Variants in CCSER1 observed in about 807,000 individuals in gnomAD.
CCSER1 encodes serine-rich coiled-coil domain-containing protein 1.
In CCSER1, 41 loss-of-function variants were observed where a neutral mutation model predicts 82.0. The observed-to-expected ratio is 0.50, with a 90% CI of 0.39 to 0.65. The LOEUF is 0.65. CCSER1 is among the 30% of genes least tolerant of loss of function. The probability of loss-of-function intolerance (pLI) is 0.00; values close to 1 mark genes in which losing one functional copy is unlikely to be tolerated. For synonymous variants in CCSER1, 414 were observed against 383.9 expected (o/e 1.08, Z -0.92); for missense variants, 1,119 against 1,064.2 (o/e 1.05, Z -0.72).
chr4:90,497,374 T>C (rs1560614368), intron 5 of CCSER1, among the ~76,000 whole-genome samples: 1 of 152,206 alleles, frequency 6.6e-6, no homozygotes, highest in Non-Finnish European at 1.5e-5. Flanking sequence ...TATTATGCTA[T>C]GAAGACAAAG....
chr4:90,381,864 A>G (rs577085231), intron 3 of CCSER1, among the ~76,000 whole-genome samples: 14 of 152,220 alleles, frequency 9.2e-5, no homozygotes, highest in African/African-American at 2.9e-4. Flanking sequence ...TTATTTATAT[A>G]CCTTCAATAA....
chr4:90,667,778 T>C (rs1021910262), intron 6 of CCSER1, among the ~76,000 whole-genome samples: 3 of 152,164 alleles, frequency 2.0e-5, no homozygotes, highest in Non-Finnish European at 4.4e-5. Context: ...GTCTTTGGTG[T>C]TGTGAATTAT....
At chr4:90,351,939 ACT>A (rs756648891) in intron 3 of CCSER1, among the ~76,000 whole-genome samples, 1 of 151,894 alleles carries the variant, frequency 6.6e-6, no homozygotes, top group Non-Finnish European at 1.5e-5. Context: ...AAATAGAAAA[ACT>A]CTATAATTGT....
intron 10 of CCSER1, among the ~76,000 whole-genome samples, chr4:91,382,435 G>A (rs563301162): frequency 6.6e-6 from 1 of 152,164 alleles, no homozygotes; most frequent in Admixed American, 6.6e-5. Flanking sequence ...CCTCGCTGCT[G>A]TCTTGCAGTT....
chr4:91,597,064 G>A lies in CCSER1; in HGVS notation c.2218-1508G>A, dbSNP rs146306418. ...TCAGCTCATATTACAATGTTTTTCT[G>A]CACGTAATTAATTTTAGAAAAATGT... On this transcript the variant is annotated intron_variant, in intron 10 of 10. Transcript: ENST00000509176. Among the ~76,000 whole-genome samples, 337 of 151,984 alleles carry A rather than the reference G, an allele frequency of 2.2e-3. 2 individuals carry two copies. The highest frequency in any genetic ancestry group is 7.8e-3 in the African/African-American group (323 of 41,506).
chr4:90,577,992 G>C (rs1220350893), intron 5 of CCSER1, among the ~76,000 whole-genome samples: 3 of 152,086 alleles, frequency 2.0e-5, no homozygotes, highest in Non-Finnish European at 4.4e-5. Context: ...CGATTGGGAA[G>C]TACTGTGATA....
chr4:90,583,021 T>C (rs529693866), intron 5 of CCSER1, among the ~76,000 whole-genome samples: 29 of 152,308 alleles, frequency 1.9e-4, no homozygotes, highest in African/African-American at 6.7e-4. Flanking sequence ...TATGTCTGTG[T>C]TGAATTTATT....
chr4:90,614,422 A>G (rs982943338), intron 5 of CCSER1, among the ~76,000 whole-genome samples: 19 of 152,202 alleles, frequency 1.2e-4, no homozygotes, highest in African/African-American at 4.6e-4. Context: ...TGAGCAAAAC[A>G]TGTCAAAAGC....
At chr4:91,023,249 T>C (rs1003290733) in intron 9 of CCSER1, among the ~76,000 whole-genome samples, 3 of 152,100 alleles carry the variant, frequency 2.0e-5, no homozygotes, top group Non-Finnish European at 2.9e-5. Context: ...ATTTATAGAT[T>C]CAATGCCATC....
chr4:90,831,287 G>A (rs929093132), intron 8 of CCSER1, among the ~76,000 whole-genome samples: 9 of 152,110 alleles, frequency 5.9e-5, no homozygotes, highest in African/African-American at 2.2e-4. Flanking sequence ...GACTTTTACA[G>A]TGAAGAATAA....
chr4:91,160,783 T>A (rs980051386), intron 10 of CCSER1, among the ~76,000 whole-genome samples: 1 of 152,188 alleles, frequency 6.6e-6, no homozygotes, highest in Non-Finnish European at 1.5e-5. Flanking sequence ...TTTAAGTTCT[T>A]TGTAGATTCT....
At chr4:91,219,634 T>A (rs1259142085) in intron 10 of CCSER1, among the ~76,000 whole-genome samples, 2 of 152,156 alleles carry the variant, frequency 1.3e-5, no homozygotes, top group African/African-American at 4.8e-5. Flanking sequence ...CATTTATGTA[T>A]TTAAGCTTTT....
At chr4:91,303,760 G>A (rs13142114) in intron 10 of CCSER1, among the ~76,000 whole-genome samples, 8,520 of 151,840 alleles carry the variant, frequency 0.056, 318 homozygotes, top group Non-Finnish European at 0.082. Context: ...CTGCCACTGC[G>A]CTCCAACCTG....
At chr4:90,154,610 G>T (rs1727654522) in intron 1 of CCSER1, among the ~76,000 whole-genome samples, 1 of 147,984 alleles carries the variant, frequency 6.8e-6, no homozygotes, top group Non-Finnish European at 1.5e-5. Context: ...TTGTAAGTTG[G>T]ATTCCTAGGT....
chr4:90,889,834 T>A (rs1722704808), intron 8 of CCSER1, among the ~76,000 whole-genome samples: 1 of 152,198 alleles, frequency 6.6e-6, no homozygotes, highest in African/African-American at 2.4e-5. Flanking sequence ...AAAAACTCAG[T>A]TCCTCAAAAT....
chr4:91,169,129 G>T (rs569229428), intron 10 of CCSER1, among the ~76,000 whole-genome samples: 3 of 147,264 alleles, frequency 2.0e-5, no homozygotes, highest in Admixed American at 1.4e-4. Flanking sequence ...TGCTGACCTT[G>T]TCTCCACTAT....
At chr4:91,417,889 G>A (rs1753460421) in intron 10 of CCSER1, among the ~76,000 whole-genome samples, 1 of 151,832 alleles carries the variant, frequency 6.6e-6, no homozygotes, top group Non-Finnish European at 1.5e-5. Context: ...CTAGGATAGA[G>A]CATATGTTGA....
chr4:90,745,946 C>T (rs1231948499), intron 7 of CCSER1, among the ~76,000 whole-genome samples: 1 of 151,784 alleles, frequency 6.6e-6, no homozygotes, highest in Non-Finnish European at 1.5e-5. Flanking sequence ...GTGATCTGCC[C>T]GCCTCGGCCT....
At chr4:91,540,271 CT>C (rs1287349281) in intron 10 of CCSER1, among the ~76,000 whole-genome samples, 1 of 152,088 alleles carries the variant, frequency 6.6e-6, no homozygotes, top group Non-Finnish European at 1.5e-5. Flanking sequence ...AGGGTTCGCA[CT>C]TGGTCTTGTA....
Sources: allele counts gnomAD v4.1 joint callset (sites outside exome capture counted in the v4.1 genomes callset), GRCh38; gene constraint gnomAD v4.1.1; transcripts MANE v1.5; gene names NCBI Gene and HGNC (gene_info 2026-07-23, HGNC 2026-07-21).